CIBAR1: variants seen among roughly 807,000 people sequenced by gnomAD.
CIBAR1 encodes the protein CBY1-interacting BAR domain-containing protein 1.
CIBAR1 carries 25 observed loss-of-function variants against 44.0 expected under a neutral mutation model. The observed-to-expected ratio is 0.57, with a 90% CI of 0.41 to 0.79. The LOEUF (loss-of-function observed/expected upper bound fraction) is 0.79. Ranked by LOEUF, CIBAR1 falls within the 30% of genes least tolerant of loss-of-function variation. The probability of loss-of-function intolerance (pLI) is 0.00; values close to 1 mark genes in which losing one functional copy is unlikely to be tolerated. For synonymous variants in CIBAR1, 115 were observed against 119.0 expected (o/e 0.97, Z 0.22); for missense variants, 278 against 344.8 (o/e 0.81, Z 1.53).
At chr8:93,713,140 C>G (rs1355338232) in intron 6 of CIBAR1, among the ~76,000 whole-genome samples, 1 of 144,796 alleles carries the variant, frequency 6.9e-6, no homozygotes, top group East Asian at 2.1e-4. Flanking sequence ...TCAAGTGATT[C>G]TTCTGCCTCA....
At chr8:93,712,889 C>G (rs570593201) in intron 6 of CIBAR1, among the ~76,000 whole-genome samples, 2 of 149,076 alleles carry the variant, frequency 1.3e-5, no homozygotes, top group South Asian at 4.3e-4. Flanking sequence ...CTCAGGTGAT[C>G]CTCCCACTTC....
chr8:93,727,136 TG>T (rs1445625353), intron 8 of CIBAR1: 3 of 1,198,774 alleles, frequency 2.5e-6, no homozygotes, highest in Admixed American at 4.6e-5. Context: ...AGCAGGAGGC[TG>T]GCTGGGCCGC....
chr8:93,723,811 T>A (rs1563650864), intron 7 of CIBAR1, among the ~76,000 whole-genome samples: 1 of 152,166 alleles, frequency 6.6e-6, no homozygotes, highest in Non-Finnish European at 1.5e-5. Context: ...CGTTTTACAT[T>A]GTGCTTGAAG....
intron 1 of CIBAR1, chr8:93,700,996 A>G (rs1282187544): frequency 2.1e-6 from 3 of 1,405,074 alleles, no homozygotes; most frequent in East Asian, 2.6e-5. Flanking sequence ...CCACCTCCCC[A>G]GTTAAGGCCA....
At chr8:93,718,867 A>C (rs1036114371) in intron 7 of CIBAR1, 79 bp downstream of exon 7, 15 of 924,966 alleles carry the variant, frequency 1.6e-5, no homozygotes, top group Non-Finnish European at 2.4e-5. Flanking sequence ...TGTGATTAAT[A>C]TCTTTTTTTT....
chr8:93,700,636 G>A lies in CIBAR1; in HGVS notation c.-12G>A, dbSNP rs1490519509. ...GGGCCCCCGCAAGGTCCCCGGCCGTGCGCGAGGCAGCATGATGAGGCGCAC... is the reference window on the plus strand; with the variant it reads ...GGGCCCCCGCAAGGTCCCCGGCCGTACGCGAGGCAGCATGATGAGGCGCAC... On this transcript the variant is annotated 5_prime_UTR_variant, in exon 1 of 9. Coordinates refer to ENST00000518322, the MANE Select transcript of CIBAR1 (RefSeq NM_145269.5). 3 of 1,499,770 alleles carry A rather than the reference G, an allele frequency of 2.0e-6. No homozygotes were observed. The highest frequency in any genetic ancestry group is 1.3e-5 in the South Asian group (1 of 79,134). 92.9% of individuals were successfully genotyped at this position (1,499,770 alleles called of 1,614,324 possible). A position where few individuals can be genotyped will look rare whatever the true frequency, so the allele number is the denominator to read the frequency against.
At chr8:93,726,134 G>T in intron 7 of CIBAR1, 1 of 304,258 alleles carries the variant, frequency 3.3e-6, no homozygotes, top group South Asian at 3.6e-5. Context: ...AGTTCTCCTG[G>T]CAAAAGCATT....
At chr8:93,708,122 C>A in intron 5 of CIBAR1, 106 bp downstream of exon 5, 1 of 771,300 alleles carries the variant, frequency 1.3e-6, no homozygotes, top group Middle Eastern at 2.5e-4. Context: ...CTAAATGTCA[C>A]AGTATTACTT....
intron 6 of CIBAR1, among the ~76,000 whole-genome samples, chr8:93,716,863 C>T (rs190264396): frequency 1.7e-3 from 260 of 152,332 alleles, no homozygotes; most frequent in Non-Finnish European, 2.9e-3. Context: ...AAACAGTTCT[C>T]TTACATCCTT....
At chr8:93,716,007 T>C (rs1407543462) in intron 6 of CIBAR1, 1 of 152,226 alleles carries the variant, frequency 6.6e-6, no homozygotes, top group African/African-American at 2.4e-5. Context: ...ACGTTCCTAC[T>C]AAACCTTGCA....
In CIBAR1 at chr8:93,729,923, T is replaced by C. The variant is rs747530388; in HGVS notation, c.*1626T>C. The C allele has an allele frequency of 6.6e-6, 1 of 152,204 alleles. No individual in the cohort carries two copies. The highest frequency in any genetic ancestry group is 1.5e-5 in the Non-Finnish European group (1 of 68,028). The allele number at this position is 152,204 out of a possible 1,614,324, so 9.4% of individuals were successfully genotyped here. ...ATTGAGTATCCTTTATCTGAAGTGC[T>C]TGGGACCAGAAGTATTTAAGACTTT... On this transcript the variant is annotated 3_prime_UTR_variant, in exon 9 of 9. Coordinates refer to ENST00000518322, the MANE Select transcript of CIBAR1 (RefSeq NM_145269.5).
chr8:93,722,284 C>G (rs1443194871), intron 7 of CIBAR1, among the ~76,000 whole-genome samples: 1 of 152,198 alleles, frequency 6.6e-6, no homozygotes, highest in Non-Finnish European at 1.5e-5. Flanking sequence ...AAATAACTTG[C>G]TATTCTTCCA....
In CIBAR1 at chr8:93,713,033, C is replaced by CTTTTTTTTT. The variant is rs149552672; in HGVS notation, c.543+3166_543+3174dup. Among the ~76,000 whole-genome samples, 67 of 128,734 alleles carry CTTTTTTTTT rather than the reference C, an allele frequency of 5.2e-4. 3 individuals carry two copies. Among genetic ancestry groups the CTTTTTTTTT allele is most frequent in the Middle Eastern group, 4.5e-3 (1 of 224 alleles). The allele number at this position is 128,734 out of a possible 152,430, so 84.5% of individuals were successfully genotyped here. On this transcript the variant is annotated intron_variant, in intron 6 of 8. Transcript: ENST00000518322. ...TTACCCTTTTTTTCTCCTTTTTTTT[C>CTTTTTTTTT]TTTTTTTTTTTTTTTTCGAGACAGA...
rs568190546 is a variant in CIBAR1, at chr8:93,711,104, T to C, written c.543+1229T>C. Among the ~76,000 whole-genome samples the C allele has an allele frequency of 1.5e-4, 23 of 152,286 alleles. No homozygotes were observed. In the East Asian group the frequency reaches 2.1e-3, roughly 14 times the overall value. ...AAGAATTGCCTTATTCTAACACATATGTAGATTTGAAACTTTCTTGGGGAT... is the reference window on the plus strand; with the variant it reads ...AAGAATTGCCTTATTCTAACACATACGTAGATTTGAAACTTTCTTGGGGAT... On this transcript the variant is annotated intron_variant, in intron 6 of 8. Transcript: ENST00000518322.
intron 6 of CIBAR1, among the ~76,000 whole-genome samples, chr8:93,714,353 T>A (rs983625101): frequency 1.3e-5 from 2 of 152,224 alleles, no homozygotes; most frequent in African/African-American, 4.8e-5. Context: ...CTAATAGTTT[T>A]TTAGTGGATT....
chr8:93,700,628 C>T lies in CIBAR1; in HGVS notation c.-20C>T, dbSNP rs1387667132. 2.7e-6 allele frequency: 4 copies of T among 1,498,968 alleles called. No homozygotes were observed. The South Asian group carries it at 3.8e-5, about 14-fold the overall frequency. The allele number at this position is 1,498,968 out of a possible 1,614,324, so 92.9% of individuals were successfully genotyped here. On this transcript the variant is annotated 5_prime_UTR_variant, in exon 1 of 9. Transcript: ENST00000518322. ...CCGTCCTTGGGCCCCCGCAAGGTCC[C>T]CGGCCGTGCGCGAGGCAGCATGATG...
At chr8:93,721,659 A>G (rs1052547772) in intron 7 of CIBAR1, among the ~76,000 whole-genome samples, 1 of 152,208 alleles carries the variant, frequency 6.6e-6, no homozygotes, top group Non-Finnish European at 1.5e-5. Context: ...TTGTTCAACA[A>G]CTGTTTATTG....
At chr8:93,706,113 A>G (rs887820985) in intron 4 of CIBAR1, 1 of 152,312 alleles carries the variant, frequency 6.6e-6, no homozygotes, top group South Asian at 2.1e-4. Flanking sequence ...GAGGTTCCAG[A>G]ACACCTCCAT....
chr8:93,709,668 G>T (rs1434499007), intron 5 of CIBAR1, 103 bp from the exon 6 acceptor site: 2 of 841,952 alleles, frequency 2.4e-6, no homozygotes, highest in African/African-American at 3.4e-5. Context: ...ACACTGTTAT[G>T]CCAAAAAGCC....
Sources: allele counts gnomAD v4.1 joint callset (sites outside exome capture counted in the v4.1 genomes callset), GRCh38; gene constraint gnomAD v4.1.1; transcripts MANE v1.5; gene names NCBI Gene and HGNC (gene_info 2026-07-23, HGNC 2026-07-21).